Variants in LIPA observed in about 807,000 individuals in gnomAD.
The protein encoded by LIPA is lysosomal acid lipase/cholesteryl ester hydrolase.
A neutral mutation model predicts 40.6 loss-of-function variants in LIPA; 26 were observed. The ratio of observed to expected loss-of-function variants is 0.64; its 90% CI spans 0.47 to 0.89. The LOEUF is 0.89. Among genes scored for constraint, LIPA ranks in the 40% least tolerant of loss-of-function variants. LIPA has a pLI of 0.00. For synonymous variants in LIPA, 188 were observed against 168.4 expected (o/e 1.12, Z -0.90); for missense variants, 455 against 479.6 (o/e 0.95, Z 0.48).
chr10:89,245,772 C>G lies in LIPA; in HGVS notation c.133G>C (p.Gly45Arg). 6.3e-7 allele frequency: 1 copy of G among 1,579,958 alleles called. No individual in the cohort carries two copies. Among genetic ancestry groups the G allele is most frequent in the Non-Finnish European group, 8.7e-7 (1 of 1,148,994 alleles). Residue 45 changes from glycine (G) to arginine (R), a missense_variant, in exon 3 of 10, where the codon GGA (glycine) becomes CGA (arginine). By Grantham distance (125) the Gly-to-Arg change is moderately radical. Transcript: ENST00000336233. ...MNVSEIISYW[G>R]FPSEEYLVET... is the part of the protein sequence containing the mutation. ...ACTAGGTATTCCTCACTAGGGAATC[C>G]CCAGTAAGAGATAATTTCACTCTGT...
At chr10:89,401,329 T>C (rs1238204456) in intron 2 of LIPA, among the ~76,000 whole-genome samples, 2 of 151,958 alleles carry the variant, frequency 1.3e-5, no homozygotes, top group Non-Finnish European at 2.9e-5. Flanking sequence ...ACCATGTTGG[T>C]CAGCTGGTCT....
intron 1 of LIPA, among the ~76,000 whole-genome samples, chr10:89,249,226 C>T (rs1304576024): frequency 6.6e-6 from 1 of 152,212 alleles, no homozygotes; most frequent in Non-Finnish European, 1.5e-5. Flanking sequence ...TTCTGAAATT[C>T]TCTAACCATC....
chr10:89,339,985 C>T (rs113402097), intron 1 of LIPA: 29 of 1,614,072 alleles, frequency 1.8e-5, no homozygotes, highest in African/African-American at 4.0e-5. Context: ...GGAACTGGGC[C>T]GCCTGCTAAG....
At chr10:89,403,841 C>A (rs1319905110) in intron 2 of LIPA, 1 of 612,204 alleles carries the variant, frequency 1.6e-6, no homozygotes, top group Non-Finnish European at 2.8e-6. Context: ...AATAATAAAT[C>A]TGACAAAATA....
chr10:89,282,867 C>G (rs1301644453), intron 1 of LIPA, among the ~76,000 whole-genome samples: 1 of 152,126 alleles, frequency 6.6e-6, no homozygotes, highest in African/African-American at 2.4e-5. Context: ...ACACACTGAA[C>G]AAGGGAAGTT....
At chr10:89,295,937 A>G (rs1291866617) in intron 1 of LIPA, among the ~76,000 whole-genome samples, 2 of 152,258 alleles carry the variant, frequency 1.3e-5, no homozygotes, top group Admixed American at 6.5e-5. Context: ...AACATTATAT[A>G]CAGGCACTAG....
rs149157104 is a variant in LIPA, at chr10:89,403,001, A to C, written c.61+9790T>G. The C allele has an allele frequency of 1.6e-4, 251 of 1,614,134 alleles. 1 individual carries two copies. The African/African-American group carries it at 2.1e-3, about 14-fold the overall frequency. On this transcript the variant is annotated intron_variant, in intron 2 of 8. Transcript: ENST00000371837. Reference sequence around the variant, plus strand: ...CTGAAGGAGAAAAGTACATTGAAGAAGCTCTAGCCAACATGTCCTCACAGA... The same window carrying C: ...CTGAAGGAGAAAAGTACATTGAAGACGCTCTAGCCAACATGTCCTCACAGA...
At chr10:89,372,533 T>A (rs1844097481) in intron 2 of LIPA, among the ~76,000 whole-genome samples, 1 of 152,234 alleles carries the variant, frequency 6.6e-6, no homozygotes. Flanking sequence ...TCCTGCTACA[T>A]GACAGGTCAC....
At chr10:89,266,717 C>T (rs1248658387) in intron 1 of LIPA, among the ~76,000 whole-genome samples, 1 of 152,156 alleles carries the variant, frequency 6.6e-6, no homozygotes, top group East Asian at 1.9e-4. Context: ...TTTTCCATTT[C>T]CCAGTTTCTA....
At chr10:89,319,762 A>C (rs1447969815) in intron 1 of LIPA, among the ~76,000 whole-genome samples, 2 of 152,228 alleles carry the variant, frequency 1.3e-5, no homozygotes, top group Non-Finnish European at 1.5e-5. Context: ...ACAACAAAAA[A>C]AGAGAATATC....
At chr10:89,291,521 CAT>C (rs1309401588) in intron 1 of LIPA, among the ~76,000 whole-genome samples, 6 of 152,148 alleles carry the variant, frequency 3.9e-5, no homozygotes, top group Admixed American at 2.6e-4. Context: ...CCATGATACA[CAT>C]GAGTTATATA....
At chr10:89,296,565 A>G (rs905467857) in intron 1 of LIPA, among the ~76,000 whole-genome samples, 2 of 152,138 alleles carry the variant, frequency 1.3e-5, no homozygotes, top group Non-Finnish European at 2.9e-5. Context: ...GTAAGACACA[A>G]AAGTAAGGGT....
rs900920863 is a variant in LIPA at position 89,280,269 on chromosome 10, G to A, written c.-1-32620C>T. 6.6e-5 allele frequency among the ~76,000 whole-genome samples: 10 copies of A among 152,130 alleles called. No individual in the cohort carries two copies. The South Asian group carries it at 1.9e-3, about 28-fold the overall frequency. Reference sequence around the variant, plus strand: ...TTATTTTTATAATTAGAAAACATATGCAAAAAATTTAAGGGTATCAATGTG... The same window carrying A: ...TTATTTTTATAATTAGAAAACATATACAAAAAATTTAAGGGTATCAATGTG... On this transcript the variant is annotated intron_variant, in intron 1 of 5. Coordinates refer to the LIPA transcript ENST00000282673.
intron 2 of LIPA, among the ~76,000 whole-genome samples, chr10:89,368,134 C>A (rs1346056322): frequency 6.6e-6 from 1 of 152,152 alleles, no homozygotes; most frequent in East Asian, 1.9e-4. Context: ...TTGATTGACT[C>A]TCTTGACATT....
chr10:89,241,866 G>A (rs554803168), intron 3 of LIPA, among the ~76,000 whole-genome samples: 1 of 152,244 alleles, frequency 6.6e-6, no homozygotes, highest in East Asian at 1.9e-4. Flanking sequence ...TATTTATTAT[G>A]TAAGGCCACA....
At chr10:89,353,020 C>T (rs1462472900) in intron 2 of LIPA, among the ~76,000 whole-genome samples, 3 of 152,170 alleles carry the variant, frequency 2.0e-5, no homozygotes, top group South Asian at 4.2e-4. Flanking sequence ...GTAAAACTGC[C>T]GATTCACTGA....
chr10:89,403,323 T>C (rs1457387376), intron 2 of LIPA: 1 of 1,613,440 alleles, frequency 6.2e-7, no homozygotes, highest in South Asian at 1.1e-5. Flanking sequence ...GGCAAGAATG[T>C]ATATAGAAGC....
chr10:89,296,453 C>T (rs2133513161), intron 1 of LIPA, among the ~76,000 whole-genome samples: 1 of 139,478 alleles, frequency 7.2e-6, no homozygotes, highest in South Asian at 2.2e-4. Context: ...GATCTCACCA[C>T]TGTAGTCTAG....
At chr10:89,234,022 C>T (rs986762020) in intron 3 of LIPA, among the ~76,000 whole-genome samples, 11 of 152,206 alleles carry the variant, frequency 7.2e-5, no homozygotes, top group African/African-American at 2.7e-4. Flanking sequence ...ACTGTCTAAC[C>T]CAGCAAGAAG....
Sources: allele counts gnomAD v4.1 joint callset (sites outside exome capture counted in the v4.1 genomes callset), GRCh38; gene constraint gnomAD v4.1.1; transcripts MANE v1.5; gene names NCBI Gene and HGNC (gene_info 2026-07-23, HGNC 2026-07-21).